PREX2: variants seen among roughly 807,000 people sequenced by gnomAD.
The protein encoded by PREX2 is phosphatidylinositol-3,4,5-trisphosphate dependent Rac exchange factor 2, also known as phosphatidylinositol 3,4,5-trisphosphate-dependent Rac exchanger 2 protein.
A neutral mutation model predicts 203.2 loss-of-function variants in PREX2; 107 were observed. The observed-to-expected ratio is 0.53, with a 90% confidence interval of 0.45 to 0.62. PREX2 has a LOEUF of 0.62. Ranked by LOEUF, PREX2 falls within the 20% of genes least tolerant of loss-of-function variation. The pLI is 0.00. For missense variants in PREX2, 1,777 were observed against 1,955.9 expected (o/e 0.91, Z 1.72); for synonymous variants, 672 against 663.6 (o/e 1.01, Z -0.19).
chr8:68,096,944 G>A, intron 21 of PREX2, 73 bp from the exon 22 acceptor site: 1 of 1,259,222 alleles, frequency 7.9e-7, no homozygotes, highest in South Asian at 1.3e-5. Context: ...ATTATTTAAA[G>A]AGACACAAAA....
intron 37 of PREX2, among the ~76,000 whole-genome samples, chr8:68,213,518 G>T (rs1052355122): frequency 2.0e-5 from 3 of 152,042 alleles, no homozygotes; most frequent in African/African-American, 4.8e-5. Context: ...ATGAAAGAAA[G>T]AATCATGCAA....
chr8:68,077,514 G>A lies in PREX2; in HGVS notation c.1642+45G>A, dbSNP rs745941846. The A allele has an allele frequency of 1.4e-4, 191 of 1,408,858 alleles. 2 individuals carry two copies. The highest frequency in any genetic ancestry group is 5.3e-4 in the Middle Eastern group (3 of 5,710). The allele number at this position is 1,408,858 out of a possible 1,614,324, so 87.3% of individuals were successfully genotyped here. ...GGAGCTTACAGATGTATTTCATCAC[G>A]TTGGTTCTTAGGATACTGCAACACC... On this transcript the variant is annotated intron_variant, in intron 15 of 39. Coordinates refer to ENST00000288368, the MANE Select transcript of PREX2 (RefSeq NM_024870.4).
At chr8:67,958,073 A>G (rs1343401389) in intron 1 of PREX2, among the ~76,000 whole-genome samples, 1 of 152,208 alleles carries the variant, frequency 6.6e-6, no homozygotes, top group African/African-American at 2.4e-5. Context: ...AAACCTACTG[A>G]CACCTTGATC....
Position 68,030,560 on chromosome 8 carries a change from G to A in PREX2, c.607G>A (p.Ala203Thr). The A allele has an allele frequency of 1.2e-6, 2 of 1,613,730 alleles. No homozygotes were observed. Among genetic ancestry groups the A allele is most frequent in the Non-Finnish European group, 1.7e-6 (2 of 1,179,718 alleles). ...TGCAGCAGTGATGGAAGCCCTCCAA[G>A]CCATGAAAGCTGTCTGTTCCAACAT... ...DYAAVMEALQ[A>T]MKAVCSNINE... Residue 203 changes from alanine (A) to threonine (T), a missense_variant, in exon 6 of 40, where the codon GCC (alanine) becomes ACC (threonine). By Grantham distance (58) the Ala-to-Thr change is moderately conservative. Transcript: ENST00000288368.
At chr8:68,088,722 T>A (rs7827988) in intron 19 of PREX2, among the ~76,000 whole-genome samples, 1 of 152,074 alleles carries the variant, frequency 6.6e-6, no homozygotes, top group South Asian at 2.1e-4. Context: ...ACAGTTAAAA[T>A]CTTCCCAATA....
chr8:68,125,175 T>C lies in PREX2; in HGVS notation c.3725-2203T>C, dbSNP rs571466281. Among the ~76,000 whole-genome samples the C allele has an allele frequency of 3.3e-5, 5 of 152,274 alleles. No individual in the cohort carries two copies. In the East Asian group the frequency reaches 9.7e-4, roughly 29 times the overall value. On this transcript the variant is annotated intron_variant, in intron 30 of 39. Transcript: ENST00000288368. ...AGTTGCTTGTTATGTGGAGGCACTC[T>C]GAGTAACTTTGCTAGTTCAGCATGA...
chr8:68,185,065 A>G lies in PREX2; in HGVS notation c.4347-6657A>G, dbSNP rs577224799. Among the ~76,000 whole-genome samples the G allele has an allele frequency of 3.9e-5, 6 of 152,224 alleles. 1 individual carries two copies. The South Asian group carries it at 1.0e-3, about 26-fold the overall frequency. On this transcript the variant is annotated intron_variant, in intron 35 of 39. Transcript: ENST00000288368. The stretch of plus-strand genomic sequence containing the variant: ...GTCTCACGGCAAACATCAGTTCCCT[A>G]TTTATATTACCACAGTCTTGTTTTG...
intron 1 of PREX2, among the ~76,000 whole-genome samples, chr8:68,009,061 A>G (rs1477288043): frequency 6.6e-6 from 1 of 152,218 alleles, no homozygotes; most frequent in African/African-American, 2.4e-5. Context: ...CATGGATTGC[A>G]CAGTGAGTTA....
chr8:67,959,970 A>G (rs1285815862), intron 1 of PREX2, among the ~76,000 whole-genome samples: 3 of 152,154 alleles, frequency 2.0e-5, no homozygotes, highest in Non-Finnish European at 2.9e-5. Context: ...CTGGCCTGAA[A>G]TTCAAATCAG....
chr8:68,055,471 AC>A (rs1482635925), intron 9 of PREX2, among the ~76,000 whole-genome samples: 1 of 147,876 alleles, frequency 6.8e-6, no homozygotes, highest in Non-Finnish European at 1.5e-5. Context: ...TTTTTTTTCT[AC>A]CAGAACTGTC....
intron 1 of PREX2, among the ~76,000 whole-genome samples, chr8:67,979,777 T>TA (rs906288228): frequency 6.6e-6 from 1 of 152,126 alleles, no homozygotes; most frequent in Non-Finnish European, 1.5e-5. Context: ...AGCATGCTTT[T>TA]AAAAAAAATA....
rs573667721 is a variant in PREX2, at chr8:68,222,978, A to G, written c.4708-1581A>G. On this transcript the variant is annotated intron_variant, in intron 38 of 39. Transcript: ENST00000288368. The stretch of plus-strand genomic sequence containing the variant: ...CTTATCAAGAGTGTTAAGGTCATGA[A>G]TGGCAGGAAGGACCTCAGGAACTGT... Among the ~76,000 whole-genome samples, 560 of 152,316 alleles carry G rather than the reference A, an allele frequency of 3.7e-3. 2 individuals are homozygous for G. The highest frequency in any genetic ancestry group is 0.013 in the African/African-American group (543 of 41,584).
chr8:68,005,067 C>T (rs1228028453), intron 1 of PREX2, among the ~76,000 whole-genome samples: 1 of 152,180 alleles, frequency 6.6e-6, no homozygotes, highest in Non-Finnish European at 1.5e-5. Context: ...TGAACCTGTC[C>T]TGTTGCTTTA....
At chr8:67,976,564 CAG>C (rs145087186) in intron 1 of PREX2, among the ~76,000 whole-genome samples, 451 of 38,546 alleles carry the variant, frequency 0.012, 44 homozygotes, top group African/African-American at 0.037. Context: ...GAGAGAGAGA[CAG>C]AGACAGAGAC....
At chr8:67,972,337 A>T (rs1805949584) in intron 1 of PREX2, among the ~76,000 whole-genome samples, 1 of 152,210 alleles carries the variant, frequency 6.6e-6, no homozygotes, top group Non-Finnish European at 1.5e-5. Flanking sequence ...AGATATAGTC[A>T]TGTATTCTGT....
chr8:68,131,841 C>T (rs910957786), intron 31 of PREX2, among the ~76,000 whole-genome samples: 5 of 152,066 alleles, frequency 3.3e-5, no homozygotes, highest in Non-Finnish European at 7.4e-5. Flanking sequence ...CACTCAATAT[C>T]CATAATTTCT....
intron 1 of PREX2, among the ~76,000 whole-genome samples, chr8:67,966,590 C>T (rs547301575): frequency 4.6e-5 from 7 of 152,042 alleles, no homozygotes; most frequent in Admixed American, 1.3e-4. Flanking sequence ...GGTGAGACCT[C>T]TGTCTCTAAA....
At chr8:68,219,710 C>A (rs1014621897) in intron 38 of PREX2, among the ~76,000 whole-genome samples, 1 of 152,130 alleles carries the variant, frequency 6.6e-6, no homozygotes, top group Non-Finnish European at 1.5e-5. Context: ...AGACTGGTGG[C>A]CCCAGAGATT....
At position 67,985,412 on chromosome 8, in the gene PREX2, T is replaced by A. The variant is rs180759121; in HGVS notation, c.142-32434T>A. On this transcript the variant is annotated intron_variant, in intron 1 of 39. Transcript: ENST00000288368. Reference sequence around the variant, plus strand: ...TGTCTTAATTTTAACACAAGCAGTTTTTAGATTATACTTAACATTGATGCT... The same window carrying A: ...TGTCTTAATTTTAACACAAGCAGTTATTAGATTATACTTAACATTGATGCT... 1.6e-3 allele frequency among the ~76,000 whole-genome samples: 239 copies of A among 152,298 alleles called. 3 individuals carry two copies. Among genetic ancestry groups the A allele is most frequent in the Middle Eastern group, 3.4e-3 (1 of 294 alleles).
Sources: allele counts gnomAD v4.1 joint callset (sites outside exome capture counted in the v4.1 genomes callset), GRCh38; gene constraint gnomAD v4.1.1; transcripts MANE v1.5; gene names NCBI Gene and HGNC (gene_info 2026-07-23, HGNC 2026-07-21).